The following PADI4 variants were observed in gnomAD, a reference collection of about 807,000 sequenced individuals.
The protein encoded by PADI4 is protein-arginine deiminase type-4.
A neutral mutation model predicts 75.0 loss-of-function variants in PADI4; 62 were observed. The ratio of observed to expected loss-of-function variants is 0.83; its 90% CI spans 0.67 to 1.02. The LOEUF (loss-of-function observed/expected upper bound fraction) is 1.02, where lower values mean the gene tolerates loss of function less well. PADI4 is among the 50% of genes least tolerant of loss of function. The pLI is 0.00. For synonymous variants in PADI4, 361 were observed against 348.1 expected (o/e 1.04, Z -0.41); for missense variants, 845 against 850.5 (o/e 0.99, Z 0.08).
chr1:17,322,492 C>CG (rs925825815), intron 1 of PADI4, among the ~76,000 whole-genome samples: 2 of 58,970 alleles, frequency 3.4e-5, no homozygotes, highest in African/African-American at 1.3e-4. Flanking sequence ...CCATCCCCCC[C>CG]CAAAAAAAAA....
chr1:17,313,526 A>AG (rs2073878861), intron 1 of PADI4, among the ~76,000 whole-genome samples: 53 of 146,434 alleles, frequency 3.6e-4, no homozygotes, highest in African/African-American at 1.1e-3. Flanking sequence ...AAAAAAGGAA[A>AG]GGAAGGAAAG....
chr1:17,342,068 G>A lies in PADI4; in HGVS notation c.778G>A (p.Asp260Asn), dbSNP rs35903413. The A allele has an allele frequency of 0.12, 194,235 of 1,613,568 alleles. 13,423 individuals are homozygous for A. The highest frequency in any genetic ancestry group is 0.14 in the Non-Finnish European group (163,720 of 1,179,540). ...GGAGGCCCTCGCTTTCCCGGACACC[G>A]ACTTCCCGGGGCTCATTACCCTCAC... ...YVEALAFPDT[D>N]FPGLITLTIS... The change falls in exon 7 of 16, where the codon GAC (aspartate) becomes AAC (asparagine). Residue 260 changes from aspartate to asparagine, a missense_variant. Asp to Asn is a conservative substitution (Grantham distance 23). Coordinates refer to ENST00000375448, the MANE Select transcript of PADI4 (RefSeq NM_012387.3).
intron 1 of PADI4, among the ~76,000 whole-genome samples, chr1:17,318,294 C>T (rs1323571587): frequency 6.6e-6 from 1 of 152,190 alleles, no homozygotes; most frequent in Non-Finnish European, 1.5e-5. Context: ...CATTATCAGC[C>T]AGCACCCAGA....
rs1309974304 is a variant in PADI4, at chr1:17,356,318, G to A, written c.1456-39G>A. ...ATCCACCCTCGTTGGGAGCTCCAGG[G>A]GCAAAGCTGACTTCTAACCCCAGTG... is the stretch of plus-strand genomic sequence containing the variant. On this transcript the variant is annotated intron_variant, in intron 12 of 15. Transcript: ENST00000375448. The surrounding 1 kb of genome is among the most constrained non-coding windows in gnomAD (Gnocchi z 4.1). The A allele has an allele frequency of 6.8e-7, 1 of 1,468,120 alleles. No homozygotes were observed. Among genetic ancestry groups the A allele is most frequent in the Non-Finnish European group, 9.3e-7 (1 of 1,073,548 alleles). The allele number at this position is 1,468,120 out of a possible 1,614,324, so 90.9% of individuals were successfully genotyped here. A position where few individuals can be genotyped will look rare whatever the true frequency, so the allele number is the denominator to read the frequency against.
chr1:17,318,033 A>C (rs1439481425), intron 1 of PADI4, among the ~76,000 whole-genome samples: 1 of 152,150 alleles, frequency 6.6e-6, no homozygotes, highest in Non-Finnish European at 1.5e-5. Context: ...CAAACAAAAA[A>C]CACACACTTC....
chr1:17,356,394 A>G lies in PADI4; in HGVS notation c.1493A>G (p.Tyr498Cys). Reference protein sequence around the residue: ...RLLLASPRSCYKLFQEQQNEG... With the variant: ...RLLLASPRSCCKLFQEQQNEG... ...CTCCTGGCCAGCCCCAGGTCCTGCT[A>G]CAAACTGTTCCAGGAGCAGCAGAAT... The change falls in exon 13 of 16, where the codon TAC becomes TGC. Residue 498 changes from tyrosine to cysteine, a missense_variant. Coordinates refer to ENST00000375448, the MANE Select transcript of PADI4 (RefSeq NM_012387.3). The surrounding 1 kb of genome is among the most constrained non-coding windows in gnomAD (Gnocchi z 4.1). 1 of 1,613,522 alleles carries G rather than the reference A, an allele frequency of 6.2e-7. No homozygotes were observed. The highest frequency in any genetic ancestry group is 1.1e-5 in the South Asian group (1 of 90,992).
At position 17,363,793 on chromosome 1, in the gene PADI4, T is replaced by C. The variant is rs1391428024; in HGVS notation, c.*38T>C. ...TGGCGTCCTCTCCCTCCTGGCCAGA[T>C]GTCGCTGGGTCCTCTGCAGTGTGGC... On this transcript the variant is annotated 3_prime_UTR_variant, in exon 16 of 16. Coordinates refer to ENST00000375448, the MANE Select transcript of PADI4 (RefSeq NM_012387.3). The C allele has an allele frequency of 7.0e-7, 1 of 1,422,226 alleles. No individual in the cohort carries two copies. Among genetic ancestry groups the C allele is most frequent in the African/African-American group, 1.4e-5 (1 of 71,190 alleles). The allele number at this position is 1,422,226 out of a possible 1,614,324, so 88.1% of individuals were successfully genotyped here.
In PADI4 at chr1:17,334,460, G is replaced by A. The variant is rs139582420; in HGVS notation, c.340+451G>A. ...TGGGACTACAGGCGCTTGCCACCAC[G>A]CCTGGCTAATTTTTGTATTTTTAGT... On this transcript the variant is annotated intron_variant, in intron 3 of 15. Transcript: ENST00000375448. 3.3e-3 allele frequency: 1,468 copies of A among 447,392 alleles called. 21 individuals are homozygous for A. The highest frequency in any genetic ancestry group is 0.027 in the African/African-American group (1,316 of 49,532). The allele number at this position is 447,392 out of a possible 1,614,324, so 27.7% of individuals were successfully genotyped here. A position where few individuals can be genotyped will look rare whatever the true frequency, so the allele number is the denominator to read the frequency against.
intron 1 of PADI4, among the ~76,000 whole-genome samples, chr1:17,309,668 A>T (rs2073774195): frequency 6.6e-6 from 1 of 152,238 alleles, no homozygotes; most frequent in Non-Finnish European, 1.5e-5. Context: ...TGGTGCCCAC[A>T]GGAGTGCCGG....
intron 1 of PADI4, among the ~76,000 whole-genome samples, chr1:17,328,258 A>C (rs2074147559): frequency 6.6e-6 from 1 of 151,234 alleles, no homozygotes; most frequent in Non-Finnish European, 1.5e-5. Context: ...TCCTGGGTGC[A>C]AACAATCCTC....
Position 17,333,986 on chromosome 1 carries a change from C to T in PADI4, c.317C>T (p.Ala106Val), listed in dbSNP as rs1194088205. ...YYGPKTPPVK[A>V]LLYLTGVEIS... is the part of the protein sequence containing the mutation. Reference sequence around the variant, plus strand: ...GGACCCAAGACTCCACCAGTCAAAGCTCTACTCTACCTCACCGGGGTGGGT... The same window carrying T: ...GGACCCAAGACTCCACCAGTCAAAGTTCTACTCTACCTCACCGGGGTGGGT... Residue 106 changes from alanine (A) to valine (V), a missense_variant, in exon 3 of 16, where the codon GCT (alanine) becomes GTT (valine). Coordinates refer to ENST00000375448, the MANE Select transcript of PADI4 (RefSeq NM_012387.3). 1 of 1,612,492 alleles carries T rather than the reference C, an allele frequency of 6.2e-7. No individual in the cohort carries two copies. Among genetic ancestry groups the T allele is most frequent in the African/African-American group, 1.3e-5 (1 of 74,902 alleles).
chr1:17,334,119 G>A (rs2074266654), intron 3 of PADI4, 110 bp downstream of exon 3: 2 of 721,028 alleles, frequency 2.8e-6, no homozygotes, highest in Middle Eastern at 2.4e-4. Flanking sequence ...TTTAGACTGA[G>A]TAGAGAAAAA....
intron 10 of PADI4, 76 bp from the exon 11 acceptor site, chr1:17,354,457 T>C (rs2074724344): frequency 4.5e-6 from 6 of 1,324,632 alleles, no homozygotes; most frequent in African/African-American, 4.3e-5. Context: ...CAAGTTCATC[T>C]CTAAACTTGG....
At chr1:17,320,543 G>T (rs1460227215) in intron 1 of PADI4, among the ~76,000 whole-genome samples, 3 of 152,154 alleles carry the variant, frequency 2.0e-5, no homozygotes, top group Admixed American at 6.5e-5. Flanking sequence ...TGAACTGAGG[G>T]TTCCTCCACT....
intron 1 of PADI4, among the ~76,000 whole-genome samples, chr1:17,326,285 TA>T: frequency 6.6e-6 from 1 of 152,240 alleles, no homozygotes; most frequent in East Asian, 1.9e-4. Context: ...TTTGGGATTT[TA>T]CATTACATTT....
At chr1:17,353,176 G>C (rs11585594) in intron 10 of PADI4, among the ~76,000 whole-genome samples, 177 of 152,192 alleles carry the variant, frequency 1.2e-3, no homozygotes, top group African/African-American at 4.1e-3. Context: ...TAAATCTGTG[G>C]AATCAGGCCA....
chr1:17,351,988 AGGCAGTCAGGGAGGTGATGGGAGGAGAGG>A (rs2074645922), intron 10 of PADI4, among the ~76,000 whole-genome samples: 1 of 22,386 alleles, frequency 4.5e-5, no homozygotes, highest in African/African-American at 3.9e-4. Context: ...ATGGGAGGAG[AGGCAGTCAGGGAGGTGATGGGAGGAGAGG>A]CGGCCAGGGA....
intron 8 of PADI4, 74 bp downstream of exon 8, chr1:17,342,476 T>C: frequency 1.1e-6 from 1 of 905,690 alleles, no homozygotes; most frequent in Non-Finnish European, 1.8e-6. Flanking sequence ...ACTCACTGTG[T>C]GATGGGAAAA....
At chr1:17,330,686 T>G (rs948157833) in intron 1 of PADI4, among the ~76,000 whole-genome samples, 1 of 152,114 alleles carries the variant, frequency 6.6e-6, no homozygotes, top group African/African-American at 2.4e-5. Context: ...AGCAAGGTGA[T>G]CCCACCTCTT....
Sources: allele counts gnomAD v4.1 joint callset (sites outside exome capture counted in the v4.1 genomes callset), GRCh38; gene constraint gnomAD v4.1.1; non-coding constraint Gnocchi (gnomAD v3.1); transcripts MANE v1.5; gene names NCBI Gene and HGNC (gene_info 2026-07-23, HGNC 2026-07-21).